MYO3A: variants seen among roughly 807,000 people sequenced by gnomAD.
MYO3A encodes the protein myosin IIIA, also known as myosin-IIIa.
Under a neutral mutation model 192.7 loss-of-function variants are expected in MYO3A, and 180 were observed. The ratio of observed to expected loss-of-function variants is 0.93; its 90% CI spans 0.83 to 1.06. The LOEUF (loss-of-function observed/expected upper bound fraction) is 1.06, where lower values mean the gene tolerates loss of function less well. MYO3A is among the 50% of genes least tolerant of loss of function. The pLI, the probability that MYO3A is intolerant of heterozygous loss-of-function variation, is 0.00. For synonymous variants in MYO3A, 628 were observed against 645.3 expected (o/e 0.97, Z 0.41); for missense variants, 1,896 against 1,905.0 (o/e 1.00, Z 0.09).
At position 25,952,210 on chromosome 10, in the gene MYO3A, A is replaced by C. The variant is rs1270485910; in HGVS notation, c.100A>C (p.Lys34Gln). ...GACAATTGGCAAAGGAACTTATGGG[A>C]AAGTTTTTAAAGTATTGAATAAGAA... ...TETIGKGTYGKVFKVLNKKNG... is the reference protein window; with the variant it reads ...TETIGKGTYGQVFKVLNKKNG... The change falls in exon 3 of 35, where the codon AAA becomes CAA. Residue 34 changes from lysine (K) to glutamine (Q), a missense_variant. Lys to Gln is a moderately conservative substitution (Grantham distance 53). Coordinates refer to ENST00000642920, the MANE Select transcript of MYO3A (RefSeq NM_017433.5). 2 of 1,612,882 alleles carry C rather than the reference A, an allele frequency of 1.2e-6. No individual in the cohort carries two copies. Among genetic ancestry groups the C allele is most frequent in the South Asian group, 1.1e-5 (1 of 91,054 alleles).
intron 31 of MYO3A, among the ~76,000 whole-genome samples, chr10:26,184,296 T>C (rs946498595): frequency 6.6e-6 from 1 of 152,184 alleles, no homozygotes; most frequent in African/African-American, 2.4e-5. Context: ...GCCTTTAACA[T>C]GCAGCAATGA....
intron 25 of MYO3A, 107 bp downstream of exon 25, chr10:26,154,930 C>A (rs1403804997): frequency 2.1e-6 from 2 of 950,990 alleles, no homozygotes; most frequent in Non-Finnish European, 3.3e-6. Flanking sequence ...TATTGTATTC[C>A]ATTTACTATT....
chr10:26,122,194 A>G (rs1692589150), intron 18 of MYO3A, among the ~76,000 whole-genome samples: 1 of 152,210 alleles, frequency 6.6e-6, no homozygotes. Context: ...AGATAAGAGT[A>G]TACCTAGAAA....
intron 17 of MYO3A, among the ~76,000 whole-genome samples, chr10:26,113,963 A>G (rs1415665718): frequency 6.6e-6 from 1 of 152,232 alleles, no homozygotes; most frequent in Non-Finnish European, 1.5e-5. Flanking sequence ...ACCTAAGAAT[A>G]GAGAACATAT....
At chr10:26,182,265 G>A (rs1163184016) in intron 31 of MYO3A, among the ~76,000 whole-genome samples, 1 of 152,166 alleles carries the variant, frequency 6.6e-6, no homozygotes. Context: ...GACTTCCACA[G>A]CCACATGTGG....
chr10:25,952,854 G>A (rs937157451), intron 3 of MYO3A, among the ~76,000 whole-genome samples: 1 of 150,016 alleles, frequency 6.7e-6, no homozygotes, highest in Non-Finnish European at 1.5e-5. Flanking sequence ...CTTACAGGAG[G>A]CCACAATGGG....
At chr10:25,990,656 C>T (rs1017940132) in intron 4 of MYO3A, among the ~76,000 whole-genome samples, 4 of 94,026 alleles carry the variant, frequency 4.3e-5, no homozygotes, top group Non-Finnish European at 5.8e-5. Flanking sequence ...GGCTACCCCT[C>T]CCCCCTCCCC....
intron 14 of MYO3A, among the ~76,000 whole-genome samples, chr10:26,086,395 G>A (rs1001126062): frequency 1.1e-4 from 17 of 152,162 alleles, no homozygotes; most frequent in African/African-American, 3.9e-4. Flanking sequence ...AGATTTGGGT[G>A]GGGACACAGA....
chr10:25,994,620 C>T lies in MYO3A; in HGVS notation c.304-1870C>T, dbSNP rs543343736. On this transcript the variant is annotated intron_variant, in intron 4 of 34. Transcript: ENST00000642920. ...TTCCTAGCATCGATGGTCTTTACAA[C>T]TTGGCATGTTTTTGCAGTGGCTGGT... is the stretch of plus-strand genomic sequence containing the variant. Among the ~76,000 whole-genome samples the T allele has an allele frequency of 2.6e-4, 39 of 152,266 alleles. No individual in the cohort carries two copies. In the East Asian group the frequency reaches 5.2e-3, roughly 20 times the overall value.
At chr10:26,189,589 C>T (rs1843029124) in intron 31 of MYO3A, among the ~76,000 whole-genome samples, 2 of 152,108 alleles carry the variant, frequency 1.3e-5, no homozygotes, top group Non-Finnish European at 2.9e-5. Flanking sequence ...CTCAGGGCTT[C>T]AGTGAGATAA....
At chr10:26,057,493 G>A (rs1834183110) in intron 10 of MYO3A, among the ~76,000 whole-genome samples, 1 of 152,212 alleles carries the variant, frequency 6.6e-6, no homozygotes, top group Non-Finnish European at 1.5e-5. Flanking sequence ...AGGAACCTGA[G>A]TGAGTTTGTG....
At chr10:26,153,312 T>C (rs1020678155) in intron 23 of MYO3A, among the ~76,000 whole-genome samples, 1 of 152,230 alleles carries the variant, frequency 6.6e-6, no homozygotes, top group African/African-American at 2.4e-5. Context: ...AAGCCAAGTC[T>C]TTCTGGCTTC....
chr10:26,021,158 T>C lies in MYO3A; in HGVS notation c.586-345T>C, dbSNP rs189678428. Among the ~76,000 whole-genome samples the C allele has an allele frequency of 6.6e-5, 10 of 152,316 alleles. 1 individual carries two copies. In the East Asian group the frequency reaches 1.9e-3, roughly 29 times the overall value. ...TGCCCATTCCCTCAATAGACATTTATTGAGTGACTACCACTGCCCAATCTT... is the reference window on the plus strand; with the variant it reads ...TGCCCATTCCCTCAATAGACATTTACTGAGTGACTACCACTGCCCAATCTT... On this transcript the variant is annotated intron_variant, in intron 7 of 34. Coordinates refer to ENST00000642920, the MANE Select transcript of MYO3A (RefSeq NM_017433.5).
chr10:25,950,405 A>G (rs187516788), intron 2 of MYO3A, among the ~76,000 whole-genome samples: 42 of 152,308 alleles, frequency 2.8e-4, no homozygotes, highest in African/African-American at 9.4e-4. Flanking sequence ...ATTTGAGGAA[A>G]GATATCACTT....
chr10:25,968,236 G>A (rs1838383826), intron 4 of MYO3A, among the ~76,000 whole-genome samples: 1 of 152,148 alleles, frequency 6.6e-6, no homozygotes, highest in Admixed American at 6.5e-5. Context: ...GTCATCAAAT[G>A]CAATGGAATG....
intron 34 of MYO3A, among the ~76,000 whole-genome samples, chr10:26,207,991 C>T (rs1844053268): frequency 6.6e-6 from 1 of 152,056 alleles, no homozygotes; most frequent in South Asian, 2.1e-4. Flanking sequence ...TCTTTTACCT[C>T]CTTGATTAAA....
intron 2 of MYO3A, among the ~76,000 whole-genome samples, chr10:25,937,982 C>T (rs1051407271): frequency 6.6e-6 from 1 of 152,174 alleles, no homozygotes; most frequent in Non-Finnish European, 1.5e-5. Context: ...AAGCTAGACC[C>T]ATTCCTCTGT....
At chr10:26,121,144 T>C (rs1038250516) in intron 18 of MYO3A, among the ~76,000 whole-genome samples, 2 of 151,474 alleles carry the variant, frequency 1.3e-5, no homozygotes, top group African/African-American at 2.4e-5. Flanking sequence ...ATTTAGCATC[T>C]ATACCATTTT....
chr10:25,937,969 G>C (rs1369889159), intron 2 of MYO3A, among the ~76,000 whole-genome samples: 2 of 152,182 alleles, frequency 1.3e-5, no homozygotes, highest in African/African-American at 4.8e-5. Flanking sequence ...TCTGTGACCA[G>C]TTAAGCTAGA....
Sources: gnomAD v4.1 joint callset for allele counts (sites outside exome capture counted in the v4.1 genomes callset) on GRCh38, gnomAD v4.1.1 for gene constraint, MANE v1.5 for transcripts, NCBI Gene and HGNC (gene_info 2026-07-23, HGNC 2026-07-21) for gene names.